Variants in CTNNA2 observed in about 807,000 individuals in gnomAD.
The protein encoded by CTNNA2 is catenin alpha-2.
In CTNNA2, 42 loss-of-function variants were observed where a neutral mutation model predicts 101.0. That is an observed-to-expected ratio of 0.42 (90% CI 0.32 to 0.54). The LOEUF (loss-of-function observed/expected upper bound fraction) is 0.54, where lower values mean the gene tolerates loss of function less well. Among genes scored for constraint, CTNNA2 ranks in the 20% least tolerant of loss-of-function variants. The probability of loss-of-function intolerance (pLI) is 0.14; values close to 1 mark genes in which losing one functional copy is unlikely to be tolerated. For missense variants in CTNNA2, 871 were observed against 1,223.1 expected, an observed-to-expected ratio of 0.71 and a Z score of 4.29; for synonymous variants, 450 against 456.4, an observed-to-expected ratio of 0.99 and a Z score of 0.18.
At chr2:79,425,097 G>A (rs1678579849) in intron 4 of CTNNA2, among the ~76,000 whole-genome samples, 1 of 152,150 alleles carries the variant, frequency 6.6e-6, no homozygotes, top group African/African-American at 2.4e-5. Context: ...CAGTGTGTAT[G>A]TGTGTGTAAA....
intron 1 of CTNNA2, among the ~76,000 whole-genome samples, chr2:79,519,246 A>G (rs1025371591): frequency 1.3e-5 from 2 of 151,686 alleles, no homozygotes; most frequent in African/African-American, 4.8e-5. Context: ...AAAAAAAAAA[A>G]AGAGTCTTGG....
chr2:80,647,562 A>G (rs1327720528), intron 18 of CTNNA2, 23 bp from the exon 19 acceptor site: 28 of 1,580,152 alleles, frequency 1.8e-5, no homozygotes, highest in Non-Finnish European at 2.3e-5. Context: ...ACCCACATGT[A>G]TCTCATTCTT....
At position 79,619,947 on chromosome 2, in the gene CTNNA2, T is replaced by C. The variant is rs528567171; in HGVS notation, c.-5-31605T>C. Among the ~76,000 whole-genome samples, 43 of 152,356 alleles carry C rather than the reference T, an allele frequency of 2.8e-4. No individual in the cohort carries two copies. The South Asian group carries it at 8.5e-3, about 30-fold the overall frequency. On this transcript the variant is annotated intron_variant, in intron 1 of 18. Transcript: ENST00000402739. ...ATTTTCAGATTTTCGTAGCTTTTTTTCTGTTTAAATTACAACAATCTACAA... is the reference window on the plus strand; with the variant it reads ...ATTTTCAGATTTTCGTAGCTTTTTTCCTGTTTAAATTACAACAATCTACAA...
chr2:80,191,579 T>C (rs932694599), intron 7 of CTNNA2, among the ~76,000 whole-genome samples: 1 of 152,216 alleles, frequency 6.6e-6, no homozygotes, highest in African/African-American at 2.4e-5. Context: ...AATCAAGTAA[T>C]CTCAGTATAT....
At chr2:79,959,855 A>G (rs1181690322) in intron 7 of CTNNA2, among the ~76,000 whole-genome samples, 3 of 152,220 alleles carry the variant, frequency 2.0e-5, no homozygotes, top group African/African-American at 7.2e-5. Context: ...AATGGTACTT[A>G]CTATGTTATA....
chr2:80,150,873 CA>C (rs1335462185), intron 7 of CTNNA2, among the ~76,000 whole-genome samples: 2 of 152,118 alleles, frequency 1.3e-5, no homozygotes, highest in African/African-American at 4.8e-5. Context: ...ATCATGGAAC[CA>C]TTTGTTTTTT....
At chr2:80,285,003 GT>G (rs1358036786) in intron 7 of CTNNA2, among the ~76,000 whole-genome samples, 1 of 152,114 alleles carries the variant, frequency 6.6e-6, no homozygotes, top group African/African-American at 2.4e-5. Flanking sequence ...AATCAGGAAG[GT>G]TGTCTGTAGG....
intron 9 of CTNNA2, among the ~76,000 whole-genome samples, chr2:80,497,702 G>A (rs1345171904): frequency 1.3e-5 from 2 of 152,180 alleles, no homozygotes; most frequent in Non-Finnish European, 2.9e-5. Flanking sequence ...TTAACTGACA[G>A]AGAGAAACTC....
At chr2:79,930,855 G>C (rs1687393107) in intron 7 of CTNNA2, among the ~76,000 whole-genome samples, 1 of 152,108 alleles carries the variant, frequency 6.6e-6, no homozygotes, top group Non-Finnish European at 1.5e-5. Context: ...GCAGGTCTTT[G>C]GAATATCCCT....
chr2:80,040,542 C>A (rs1385246327), intron 7 of CTNNA2, among the ~76,000 whole-genome samples: 1 of 152,160 alleles, frequency 6.6e-6, no homozygotes, highest in African/African-American at 2.4e-5. Flanking sequence ...CACCATTATT[C>A]AAATCAACTC....
intron 9 of CTNNA2, among the ~76,000 whole-genome samples, chr2:80,432,644 C>G (rs891620507): frequency 3.9e-5 from 6 of 152,126 alleles, no homozygotes; most frequent in African/African-American, 1.4e-4. Context: ...TTTATCTTTT[C>G]TAAACCTTTT....
At chr2:79,538,256 T>C (rs928474123) in intron 1 of CTNNA2, among the ~76,000 whole-genome samples, 2 of 152,114 alleles carry the variant, frequency 1.3e-5, no homozygotes, top group Non-Finnish European at 1.5e-5. Flanking sequence ...AAAAAAACCT[T>C]ATCAGGGTAT....
chr2:79,929,469 A>T (rs1313687114), intron 7 of CTNNA2, among the ~76,000 whole-genome samples: 1 of 152,176 alleles, frequency 6.6e-6, no homozygotes, highest in African/African-American at 2.4e-5. Context: ...TCTCCAACAA[A>T]TTCTATCATC....
At chr2:79,344,300 A>G (rs1677206007) in intron 3 of CTNNA2, among the ~76,000 whole-genome samples, 1 of 152,184 alleles carries the variant, frequency 6.6e-6, no homozygotes, top group African/African-American at 2.4e-5. Context: ...CAATGCAAGA[A>G]TCCTTTGATT....
At chr2:80,484,190 C>T (rs1347135710) in intron 9 of CTNNA2, among the ~76,000 whole-genome samples, 1 of 151,752 alleles carries the variant, frequency 6.6e-6, no homozygotes, top group African/African-American at 2.4e-5. Context: ...AGTATGCTCA[C>T]TTATGTGTGG....
At chr2:80,474,684 A>G (rs1054001572) in intron 9 of CTNNA2, among the ~76,000 whole-genome samples, 20 of 152,142 alleles carry the variant, frequency 1.3e-4, no homozygotes, top group African/African-American at 4.8e-4. Flanking sequence ...TTTTATTGAA[A>G]TTTCCTGTGG....
intron 2 of CTNNA2, among the ~76,000 whole-genome samples, chr2:79,201,760 A>C (rs562379115): frequency 7.9e-5 from 12 of 152,220 alleles, no homozygotes; most frequent in South Asian, 6.2e-4. Context: ...TTCCACTCAG[A>C]ATCCCTTCGT....
At chr2:79,701,116 G>C (rs1684973233) in intron 2 of CTNNA2, among the ~76,000 whole-genome samples, 1 of 152,058 alleles carries the variant, frequency 6.6e-6, no homozygotes. Flanking sequence ...ACTAATAATA[G>C]CTATGATTTG....
chr2:80,068,840 G>A (rs1698146911), intron 7 of CTNNA2, among the ~76,000 whole-genome samples: 1 of 152,112 alleles, frequency 6.6e-6, no homozygotes, highest in South Asian at 2.1e-4. Flanking sequence ...TTATACCCCT[G>A]ACTAGTGGCA....
Sources: allele counts gnomAD v4.1 joint callset (sites outside exome capture counted in the v4.1 genomes callset), GRCh38; gene constraint gnomAD v4.1.1; transcripts MANE v1.5; gene names NCBI Gene and HGNC (gene_info 2026-07-23, HGNC 2026-07-21).